PRKCE: variants seen among roughly 807,000 people sequenced by gnomAD.
The protein encoded by PRKCE is protein kinase C epsilon type.
A neutral mutation model predicts 85.4 loss-of-function variants in PRKCE; 16 were observed. The observed-to-expected ratio is 0.19, with a 90% confidence interval of 0.13 to 0.28. PRKCE has a LOEUF of 0.28. PRKCE is among the 10% of genes least tolerant of loss of function. The pLI is 1.00. For missense variants in PRKCE, 573 were observed against 975.2 expected, an observed-to-expected ratio of 0.59 and a Z score of 5.49; for synonymous variants, 388 against 371.5, an observed-to-expected ratio of 1.04 and a Z score of -0.51.
At chr2:45,688,341 A>G (rs1451835857) in intron 1 of PRKCE, among the ~76,000 whole-genome samples, 1 of 152,200 alleles carries the variant, frequency 6.6e-6, no homozygotes, top group Non-Finnish European at 1.5e-5. Flanking sequence ...AGGGGTACAT[A>G]TCAGAAGAGG....
intron 2 of PRKCE, among the ~76,000 whole-genome samples, chr2:45,953,425 T>G (rs1700757242): frequency 6.6e-6 from 1 of 152,178 alleles, no homozygotes; most frequent in Non-Finnish European, 1.5e-5. Flanking sequence ...ACATCCTCCT[T>G]GCTCTCTCTC....
At chr2:46,077,295 G>T (rs1428079624) in intron 10 of PRKCE, among the ~76,000 whole-genome samples, 3 of 152,002 alleles carry the variant, frequency 2.0e-5, no homozygotes, top group African/African-American at 7.3e-5. Flanking sequence ...GGTTTCATGG[G>T]TGTATACTCA....
intron 11 of PRKCE, among the ~76,000 whole-genome samples, chr2:46,136,165 C>T (rs1031805797): frequency 6.6e-6 from 1 of 152,094 alleles, no homozygotes; most frequent in Non-Finnish European, 1.5e-5. Flanking sequence ...GTTATTTCTG[C>T]AGCACTCAGG....
chr2:46,062,461 G>C lies in PRKCE; in HGVS notation c.1438-23747G>C, dbSNP rs547584314. On this transcript the variant is annotated intron_variant, in intron 10 of 14. Transcript: ENST00000306156. The stretch of plus-strand genomic sequence containing the variant: ...CCCAGTGTGCCAAGAACACTCTTTT[G>C]TGATTCTAAAACCATCCCCGGGGAT... Among the ~76,000 whole-genome samples the C allele has an allele frequency of 5.8e-4, 88 of 152,096 alleles. 1 individual carries two copies. Among genetic ancestry groups the C allele is most frequent in the Middle Eastern group, 3.4e-3 (1 of 292 alleles).
At chr2:45,846,339 A>G (rs1211025921) in intron 2 of PRKCE, among the ~76,000 whole-genome samples, 1 of 152,176 alleles carries the variant, frequency 6.6e-6, no homozygotes, top group African/African-American at 2.4e-5. Flanking sequence ...CTTACCGATG[A>G]GAGACGGTCG....
chr2:45,819,310 A>T (rs1573482309), intron 1 of PRKCE, among the ~76,000 whole-genome samples: 1 of 152,212 alleles, frequency 6.6e-6, no homozygotes, highest in South Asian at 2.1e-4. Flanking sequence ...GCCTGAGCCC[A>T]GGCAGTCTGG....
Position 46,186,119 on chromosome 2 carries a change from CAT to C in PRKCE, c.*1239_*1240del, listed in dbSNP as rs1242326986. 2 of 152,668 alleles carry C rather than the reference CAT, an allele frequency of 1.3e-5. No individual in the cohort carries two copies. The highest frequency in any genetic ancestry group is 3.4e-3 in the Middle Eastern group (1 of 294). The allele number at this position is 152,668 out of a possible 1,614,324, so 9.5% of individuals were successfully genotyped here. A position where few individuals can be genotyped will look rare whatever the true frequency, so the allele number is the denominator to read the frequency against. ...TTCTGTGTGACATGCAATGGCAACT[CAT>C]GTGGACACTATTGAAGGGATGTGAC... On this transcript the variant is annotated 3_prime_UTR_variant, in exon 15 of 15. Transcript: ENST00000306156.
At chr2:45,883,479 C>G (rs1311314539) in intron 2 of PRKCE, among the ~76,000 whole-genome samples, 1 of 152,166 alleles carries the variant, frequency 6.6e-6, no homozygotes, top group Non-Finnish European at 1.5e-5. Flanking sequence ...GGTGAGTTCC[C>G]CGTCGTGCTG....
intron 2 of PRKCE, among the ~76,000 whole-genome samples, chr2:45,909,590 A>G (rs1282335342): frequency 6.6e-6 from 1 of 152,260 alleles, no homozygotes; most frequent in African/African-American, 2.4e-5. Flanking sequence ...AGCTAACAAA[A>G]ATCAGCGAAA....
chr2:46,170,579 T>C (rs1678799058), intron 14 of PRKCE, among the ~76,000 whole-genome samples: 1 of 152,226 alleles, frequency 6.6e-6, no homozygotes, highest in African/African-American at 2.4e-5. Flanking sequence ...ATTTGTGGAA[T>C]GAACAAATGA....
chr2:46,127,054 T>C (rs1370682188), intron 11 of PRKCE, among the ~76,000 whole-genome samples: 2 of 152,162 alleles, frequency 1.3e-5, no homozygotes, highest in Non-Finnish European at 2.9e-5. Context: ...CAGGGGCAAA[T>C]GCAGAAAAAG....
At position 46,138,324 on chromosome 2, in the gene PRKCE, G is replaced by A. The variant is rs760802482; in HGVS notation, c.1593-6769G>A. On this transcript the variant is annotated intron_variant, in intron 11 of 14. Coordinates refer to ENST00000306156, the MANE Select transcript of PRKCE (RefSeq NM_005400.3). The surrounding 1 kb of genome is among the most constrained non-coding windows in gnomAD (Gnocchi z 4.2). ...ATAGAGATTTCCAACTCATACGTCTGTCATTTTATCTAATAGGTGGTCACG... is the reference window on the plus strand; with the variant it reads ...ATAGAGATTTCCAACTCATACGTCTATCATTTTATCTAATAGGTGGTCACG... Among the ~76,000 whole-genome samples, 56 of 152,184 alleles carry A rather than the reference G, an allele frequency of 3.7e-4. No individual in the cohort carries two copies. The highest frequency in any genetic ancestry group is 6.5e-4 in the Non-Finnish European group (44 of 68,040).
chr2:46,141,074 C>T (rs1403311862), intron 11 of PRKCE, among the ~76,000 whole-genome samples: 2 of 152,122 alleles, frequency 1.3e-5, no homozygotes, highest in African/African-American at 4.8e-5. Context: ...CCAAGAAGGG[C>T]TGTTTGGCAA....
intron 10 of PRKCE, among the ~76,000 whole-genome samples, chr2:46,026,942 T>C (rs1277675114): frequency 6.6e-6 from 1 of 152,104 alleles, no homozygotes; most frequent in African/African-American, 2.4e-5. Flanking sequence ...AGTCCCAACA[T>C]TGGGAGGCCA....
intron 1 of PRKCE, among the ~76,000 whole-genome samples, chr2:45,729,550 G>A (rs1681387240): frequency 6.6e-6 from 1 of 152,068 alleles, no homozygotes; most frequent in Admixed American, 6.5e-5. Flanking sequence ...GATATTTTTA[G>A]GCCCCAGTGA....
chr2:46,143,165 G>A (rs763711231), intron 11 of PRKCE, among the ~76,000 whole-genome samples: 1 of 152,150 alleles, frequency 6.6e-6, no homozygotes, highest in Non-Finnish European at 1.5e-5. Flanking sequence ...AACTCACAGA[G>A]CTATGCAATG....
intron 11 of PRKCE, among the ~76,000 whole-genome samples, chr2:46,109,687 T>G (rs1469649325): frequency 6.6e-6 from 1 of 152,092 alleles, no homozygotes; most frequent in Non-Finnish European, 1.5e-5. Context: ...TCTGCACACC[T>G]TTTATTTTCT....
chr2:45,911,048 A>C (rs554324360), intron 2 of PRKCE, among the ~76,000 whole-genome samples: 1 of 152,290 alleles, frequency 6.6e-6, no homozygotes, highest in Admixed American at 6.5e-5. Context: ...TTCAATGGAG[A>C]GGTGGACTGA....
chr2:46,101,858 TCAAAAAAAAAA>T (rs1353704203), intron 11 of PRKCE, among the ~76,000 whole-genome samples: 4 of 30,638 alleles, frequency 1.3e-4, no homozygotes, highest in African/African-American at 4.5e-4. Flanking sequence ...AAACTGGCTT[TCAAAAAAAAAA>T]AAAAAAAAAA....
Sources: gnomAD v4.1 joint callset for allele counts (sites outside exome capture counted in the v4.1 genomes callset) on GRCh38, gnomAD v4.1.1 for gene constraint, Gnocchi (gnomAD v3.1) non-coding constraint, MANE v1.5 for transcripts, NCBI Gene and HGNC (gene_info 2026-07-23, HGNC 2026-07-21) for gene names.